The following PCDH15 variants were observed in gnomAD, a reference collection of about 807,000 sequenced individuals.
The protein encoded by PCDH15 is protocadherin-15.
Under a neutral mutation model 178.5 loss-of-function variants are expected in PCDH15, and 129 were observed. The observed-to-expected ratio is 0.72, with a 90% CI of 0.63 to 0.84. The LOEUF is 0.84. Among genes scored for constraint, PCDH15 ranks in the 40% least tolerant of loss-of-function variants. The pLI is 0.00. For synonymous variants in PCDH15, 800 were observed against 732.0 expected (o/e 1.09, Z -1.50); for missense variants, 2,230 against 2,099.9 (o/e 1.06, Z -1.21).
At chr10:54,097,849 C>T (rs2094728017) in intron 15 of PCDH15, among the ~76,000 whole-genome samples, 1 of 152,118 alleles carries the variant, frequency 6.6e-6, no homozygotes, top group African/African-American at 2.4e-5. Flanking sequence ...AAATGCACAC[C>T]TCAGGAGGGG....
intron 1 of PCDH15, among the ~76,000 whole-genome samples, chr10:55,262,820 C>G (rs1178970436): frequency 2.0e-5 from 3 of 152,108 alleles, no homozygotes; most frequent in Non-Finnish European, 4.4e-5. Flanking sequence ...TCTGACCTTG[C>G]AATAAGACAG....
At chr10:53,977,407 G>T (rs1343792138) in intron 21 of PCDH15, among the ~76,000 whole-genome samples, 2 of 152,230 alleles carry the variant, frequency 1.3e-5, no homozygotes, top group African/African-American at 2.4e-5. Flanking sequence ...CTCCTTGGCT[G>T]CATGTGGCCT....
chr10:55,010,459 C>T (rs1273230472), intron 2 of PCDH15, among the ~76,000 whole-genome samples: 1 of 151,998 alleles, frequency 6.6e-6, no homozygotes, highest in South Asian at 2.1e-4. Flanking sequence ...ATAAAGATAA[C>T]AAAGAGGGAC....
At chr10:54,293,634 A>C (rs1024389178) in intron 8 of PCDH15, among the ~76,000 whole-genome samples, 1 of 152,152 alleles carries the variant, frequency 6.6e-6, no homozygotes, top group Non-Finnish European at 1.5e-5. Flanking sequence ...AAAAACAAAA[A>C]AACCCATTAA....
At chr10:54,870,884 TA>T (rs1322999773) in intron 3 of PCDH15, among the ~76,000 whole-genome samples, 2 of 152,164 alleles carry the variant, frequency 1.3e-5, no homozygotes, top group Non-Finnish European at 2.9e-5. Flanking sequence ...AACTAGGATG[TA>T]AGGACAAAAA....
chr10:54,346,669 A>C (rs1943345508), intron 5 of PCDH15, among the ~76,000 whole-genome samples, 185 bp from the exon 6 acceptor site: 1 of 152,184 alleles, frequency 6.6e-6, no homozygotes. Flanking sequence ...AAAATGTCTG[A>C]AATGTCCAAC....
At chr10:53,968,036 C>T (rs2089234606) in intron 21 of PCDH15, among the ~76,000 whole-genome samples, 1 of 151,936 alleles carries the variant, frequency 6.6e-6, no homozygotes, top group African/African-American at 2.4e-5. Context: ...GGGTGCAGCC[C>T]ATGGAGCAGG....
chr10:54,252,425 C>G (rs548637015), intron 8 of PCDH15, among the ~76,000 whole-genome samples: 1 of 152,162 alleles, frequency 6.6e-6, no homozygotes, highest in African/African-American at 2.4e-5. Flanking sequence ...ATTGATACTT[C>G]GAGGCAAAGC....
At chr10:54,389,728 C>G (rs1157901738) in intron 3 of PCDH15, among the ~76,000 whole-genome samples, 3 of 148,140 alleles carry the variant, frequency 2.0e-5, no homozygotes, top group African/African-American at 7.5e-5. Context: ...CACTTGAAGT[C>G]AGGAGTTCAA....
chr10:55,341,704 G>A (rs1399482886), intron 2 of PCDH15, among the ~76,000 whole-genome samples: 3 of 138,924 alleles, frequency 2.2e-5, no homozygotes, highest in Non-Finnish European at 4.6e-5. Context: ...CGAGTAGCTG[G>A]GACTACAGGC....
At chr10:54,259,656 A>C (rs2057171901) in intron 8 of PCDH15, among the ~76,000 whole-genome samples, 1 of 152,206 alleles carries the variant, frequency 6.6e-6, no homozygotes, top group African/African-American at 2.4e-5. Flanking sequence ...AAGCCAAAGC[A>C]GCAAAAACTA....
intron 2 of PCDH15, among the ~76,000 whole-genome samples, chr10:55,472,645 T>C (rs1340084895): frequency 6.6e-6 from 1 of 152,210 alleles, no homozygotes; most frequent in Non-Finnish European, 1.5e-5. Flanking sequence ...CTGCGCTAAC[T>C]GCAAGCTCCA....
intron 3 of PCDH15, among the ~76,000 whole-genome samples, chr10:54,406,420 C>A (rs7071080): frequency 6.6e-6 from 1 of 152,008 alleles, no homozygotes; most frequent in East Asian, 1.9e-4. Context: ...ATATTTCAGG[C>A]CTTGTGGGAC....
At chr10:55,603,210 A>G (rs1053861756) in intron 2 of PCDH15, among the ~76,000 whole-genome samples, 3 of 152,014 alleles carry the variant, frequency 2.0e-5, no homozygotes, top group African/African-American at 7.2e-5. Context: ...AAGAAACAGA[A>G]ACGAGCAAAG....
intron 2 of PCDH15, among the ~76,000 whole-genome samples, chr10:55,362,437 C>T (rs1845253403): frequency 6.6e-6 from 1 of 152,078 alleles, no homozygotes; most frequent in Admixed American, 6.6e-5. Context: ...AAGATTGTGC[C>T]AGCTATTAAA....
intron 2 of PCDH15, among the ~76,000 whole-genome samples, chr10:55,480,310 A>G (rs1450890030): frequency 6.6e-6 from 1 of 151,624 alleles, no homozygotes; most frequent in South Asian, 2.1e-4. Flanking sequence ...TAATATTTGA[A>G]TGCCTTTTAT....
At chr10:53,885,606 C>T (rs2081036164) in intron 26 of PCDH15, among the ~76,000 whole-genome samples, 1 of 152,052 alleles carries the variant, frequency 6.6e-6, no homozygotes, top group Non-Finnish European at 1.5e-5. Context: ...TAACCATTGA[C>T]AACAAGAAAA....
chr10:55,306,283 C>A (rs192554883), intron 1 of PCDH15, among the ~76,000 whole-genome samples: 168 of 152,310 alleles, frequency 1.1e-3, no homozygotes, highest in African/African-American at 3.9e-3. Context: ...GATTTTAATT[C>A]TAATTTCCTA....
rs995038422 is a variant in PCDH15, at chr10:53,831,480, C to G, written c.4037G>C (p.Gly1346Ala). 1.2e-6 allele frequency: 2 copies of G among 1,614,120 alleles called. No individual in the cohort carries two copies. Among genetic ancestry groups the G allele is most frequent in the East Asian group, 2.2e-5 (1 of 44,866 alleles). Reference protein sequence around the residue: ...DINKDFQPYYGEGGRILEIRT... With the variant: ...DINKDFQPYYAEGGRILEIRT... ...GATCTCCAGAATGCGTCCTCCTTCC[C>G]CATAATACGGCTGAAAGTCTTTATT... Residue 1346 changes from glycine to alanine, a missense_variant, in exon 30 of 38, where the codon GGG becomes GCG. Transcript: ENST00000644397.
Sources: allele counts gnomAD v4.1 joint callset (sites outside exome capture counted in the v4.1 genomes callset), GRCh38; gene constraint gnomAD v4.1.1; transcripts MANE v1.5; gene names NCBI Gene and HGNC (gene_info 2026-07-23, HGNC 2026-07-21).